The following SLC44A5 variants were observed in gnomAD, a reference collection of about 807,000 sequenced individuals.
The protein encoded by SLC44A5 is solute carrier family 44 member 5, also known as choline transporter-like protein 5.
In SLC44A5, 57 loss-of-function variants were observed where a neutral mutation model predicts 101.8. The observed-to-expected ratio is 0.56, with a 90% CI of 0.45 to 0.70. The LOEUF (loss-of-function observed/expected upper bound fraction) is 0.70, where lower values mean the gene tolerates loss of function less well. Ranked by LOEUF, SLC44A5 falls within the 30% of genes least tolerant of loss-of-function variation. The probability of loss-of-function intolerance (pLI) is 0.00; values close to 1 mark genes in which losing one functional copy is unlikely to be tolerated. For synonymous variants in SLC44A5, 281 were observed against 290.9 expected (o/e 0.97, Z 0.35); for missense variants, 737 against 853.1 (o/e 0.86, Z 1.70).
the SLC44A5 span, among the ~76,000 whole-genome samples, chr1:75,692,490 C>T: frequency 3.3e-5 from 5 of 152,096 alleles, no homozygotes; most frequent in East Asian, 1.9e-4. Context: ...CCACCGCAGC[C>T]GGCCCGAGGA....
intron 1 of SLC44A5, among the ~76,000 whole-genome samples, chr1:75,562,464 G>A (rs1248672615): frequency 1.3e-5 from 2 of 152,062 alleles, no homozygotes; most frequent in South Asian, 2.1e-4. Context: ...TTGGGAGGCT[G>A]AGGTAGGCAG....
chr1:75,659,408 A>G, the SLC44A5 span, among the ~76,000 whole-genome samples: 1 of 120,642 alleles, frequency 8.3e-6, no homozygotes, highest in African/African-American at 3.0e-5. Flanking sequence ...AAAGAAGGAA[A>G]GAAAGAAAGA....
chr1:75,246,671 G>A (rs145785097), intron 7 of SLC44A5, among the ~76,000 whole-genome samples: 3 of 152,150 alleles, frequency 2.0e-5, no homozygotes, highest in African/African-American at 7.2e-5. Flanking sequence ...AGAAAGGAGT[G>A]GCTGCGTGGG....
At chr1:75,536,222 T>A (rs148012549) in intron 2 of SLC44A5, among the ~76,000 whole-genome samples, 1,956 of 152,258 alleles carry the variant, frequency 0.013, 17 homozygotes, top group Non-Finnish European at 0.021. Context: ...ACTTTTCTCT[T>A]TTTAAAAATA....
chr1:75,513,605 A>T (rs1669676094), intron 2 of SLC44A5, among the ~76,000 whole-genome samples: 1 of 152,206 alleles, frequency 6.6e-6, no homozygotes, highest in South Asian at 2.1e-4. Context: ...AAACAACTCT[A>T]GTTAGATTTA....
intron 2 of SLC44A5, among the ~76,000 whole-genome samples, chr1:75,431,261 G>A (rs1664597455): frequency 6.6e-6 from 1 of 152,116 alleles, no homozygotes; most frequent in Non-Finnish European, 1.5e-5. Context: ...AATACTTAGG[G>A]AGTCAATAAA....
chr1:75,267,011 G>A (rs144113450), intron 6 of SLC44A5, among the ~76,000 whole-genome samples: 2,028 of 152,244 alleles, frequency 0.013, 49 homozygotes, highest in African/African-American at 0.046. Flanking sequence ...ACACTGCGCC[G>A]AACACAATAG....
chr1:75,250,508 G>A (rs1649479220), intron 7 of SLC44A5, among the ~76,000 whole-genome samples: 1 of 152,078 alleles, frequency 6.6e-6, no homozygotes, highest in Non-Finnish European at 1.5e-5. Context: ...ATTCCCTTGG[G>A]TATATACCCA....
intron 2 of SLC44A5, chr1:75,402,486 C>T: frequency 2.7e-6 from 1 of 371,852 alleles, no homozygotes; most frequent in South Asian, 2.0e-5. Context: ...AACTGAGGTA[C>T]CCTGCTCATC....
chr1:75,405,694 C>T (rs921266425), intron 2 of SLC44A5, among the ~76,000 whole-genome samples: 5 of 152,010 alleles, frequency 3.3e-5, no homozygotes, highest in African/African-American at 9.7e-5. Flanking sequence ...ATCTGTGGGA[C>T]ACAGCTAAAG....
chr1:75,217,820 A>T, intron 18 of SLC44A5, 46 bp downstream of exon 18: 1 of 1,281,606 alleles, frequency 7.8e-7, no homozygotes, highest in East Asian at 2.3e-5. Flanking sequence ...CCAACCCCCA[A>T]CCCAATTTAT....
At chr1:75,356,209 CAAAAAAA>C (rs35660365) in intron 3 of SLC44A5, among the ~76,000 whole-genome samples, 2 of 76,104 alleles carry the variant, frequency 2.6e-5, no homozygotes, top group Non-Finnish European at 4.8e-5. Context: ...AAGACTGCCT[CAAAAAAA>C]AAAAAAAAAA....
intron 3 of SLC44A5, among the ~76,000 whole-genome samples, chr1:75,393,222 C>T (rs1193869509): frequency 2.0e-5 from 3 of 152,118 alleles, no homozygotes; most frequent in Non-Finnish European, 4.4e-5. Context: ...CATTGTCTCG[C>T]ATGTCATGCA....
rs183395646 is a variant in SLC44A5, at chr1:75,598,990, C to T, written c.-70+12050G>A. Among the ~76,000 whole-genome samples the T allele has an allele frequency of 6.0e-3, 912 of 152,190 alleles. 8 individuals are homozygous for T. Among genetic ancestry groups the T allele is most frequent in the Non-Finnish European group, 9.1e-3 (621 of 68,008 alleles). ...TAATGTTGTTTAGACTATTACATTT[C>T]CACAGAAAACTCAGTTAATTATGCC... On this transcript the variant is annotated intron_variant, in intron 1 of 23. Transcript: ENST00000370859.
chr1:75,621,866 T>A, the SLC44A5 span, among the ~76,000 whole-genome samples: 6 of 152,088 alleles, frequency 3.9e-5, no homozygotes, highest in Non-Finnish European at 5.9e-5. Flanking sequence ...GTCCATTTTT[T>A]AAAAAATTTG....
At chr1:75,698,401 C>T in the SLC44A5 span, among the ~76,000 whole-genome samples, 48 of 152,274 alleles carry the variant, frequency 3.2e-4, no homozygotes, top group Admixed American at 1.8e-3. Context: ...AGACTGACAC[C>T]TCACACGGCC....
chr1:75,218,698 C>T lies in SLC44A5; in HGVS notation c.1321G>A (p.Ala441Thr), dbSNP rs566453708. 3.1e-6 allele frequency: 5 copies of T among 1,613,610 alleles called. No individual in the cohort carries two copies. The highest frequency in any genetic ancestry group is 4.2e-6 in the Non-Finnish European group (5 of 1,179,682). Residue 441 changes from alanine (A) to threonine (T), a missense_variant, in exon 17 of 24, where the codon GCT becomes ACT. Physicochemically the swap from Ala to Thr is moderately conservative, Grantham distance 58. Around this residue, in one of 3 missense-constraint regions of SLC44A5, gnomAD observed 665 missense variants for 764.4 expected, o/e 0.87. Transcript: ENST00000370859. ...KACPGALCNFAFYGGKSLYHQ... is the reference protein window; with the variant it reads ...KACPGALCNFTFYGGKSLYHQ... ...TACAAGCTCTTTCCACCATAGAAAG[C>T]AAAGTTACACAGAGCCCCAGGGCAA...
In SLC44A5 at chr1:75,406,378, C is replaced by T. The variant is rs569729416; in HGVS notation, c.14-9757G>A. 2.6e-5 allele frequency among the ~76,000 whole-genome samples: 4 copies of T among 152,256 alleles called. No individual in the cohort carries two copies. The South Asian group carries it at 8.3e-4, about 32-fold the overall frequency. ...CTCATTTTATGAGACCAGCATCATC[C>T]TAATACCAAAACCTGGCAGTGACAC... On this transcript the variant is annotated intron_variant, in intron 2 of 23. Transcript: ENST00000370859.
At chr1:75,250,821 A>G (rs534762000) in intron 7 of SLC44A5, among the ~76,000 whole-genome samples, 13 of 152,264 alleles carry the variant, frequency 8.5e-5, no homozygotes, top group African/African-American at 2.9e-4. Flanking sequence ...TTTTACTGTT[A>G]TATGGTCAAA....
Sources: allele counts gnomAD v4.1 joint callset (sites outside exome capture counted in the v4.1 genomes callset), GRCh38; gene constraint gnomAD v4.1.1; regional missense constraint gnomAD v4.1.1; transcripts MANE v1.5; gene names NCBI Gene and HGNC (gene_info 2026-07-23, HGNC 2026-07-21).